SLC35F4: variants seen among roughly 807,000 people sequenced by gnomAD.
SLC35F4 encodes the protein solute carrier family 35 member F4.
A neutral mutation model predicts 44.2 loss-of-function variants in SLC35F4; 24 were observed. The observed-to-expected ratio is 0.54, with a 90% CI of 0.39 to 0.76. SLC35F4 has a LOEUF of 0.76. SLC35F4 is among the 30% of genes least tolerant of loss of function. The pLI, the probability that SLC35F4 is intolerant of heterozygous loss-of-function variation, is 0.00. For missense variants in SLC35F4, 562 were observed against 586.1 expected (o/e 0.96, Z 0.42); for synonymous variants, 238 against 223.6 (o/e 1.06, Z -0.57).
intron 1 of SLC35F4, among the ~76,000 whole-genome samples, chr14:57,942,673 G>C (rs1193872848): frequency 6.6e-6 from 1 of 152,124 alleles, no homozygotes; most frequent in East Asian, 1.9e-4. Flanking sequence ...GTTTTAACAG[G>C]AAATATACTT....
At chr14:57,946,270 A>G (rs549577331) in intron 1 of SLC35F4, among the ~76,000 whole-genome samples, 2 of 152,186 alleles carry the variant, frequency 1.3e-5, no homozygotes, top group Admixed American at 6.5e-5. Context: ...TCTTAGATGT[A>G]TGCCTTTGAT....
intron 1 of SLC35F4, among the ~76,000 whole-genome samples, chr14:57,622,617 A>C (rs2072246059): frequency 1.1e-5 from 1 of 89,190 alleles, no homozygotes; most frequent in Non-Finnish European, 3.3e-5. Flanking sequence ...GGAATTGAAC[A>C]ATGAGAACAC....
At chr14:57,865,356 G>A (rs1023737903) in intron 1 of SLC35F4, among the ~76,000 whole-genome samples, 1 of 151,846 alleles carries the variant, frequency 6.6e-6, no homozygotes, top group African/African-American at 2.4e-5. Flanking sequence ...GTATCCCCTA[G>A]GGCTGACTTT....
chr14:57,910,368 A>G (rs966695931), intron 1 of SLC35F4, among the ~76,000 whole-genome samples: 1 of 152,088 alleles, frequency 6.6e-6, no homozygotes, highest in African/African-American at 2.4e-5. Context: ...CTAAAATATT[A>G]TCATCATACC....
chr14:57,943,006 A>G (rs1337848865), intron 1 of SLC35F4, among the ~76,000 whole-genome samples: 3 of 152,214 alleles, frequency 2.0e-5, no homozygotes, highest in Admixed American at 6.5e-5. Context: ...TTTAAAAGCC[A>G]GAACTCCAGC....
At chr14:57,679,005 T>TCTGGATATC (rs1231111290) in intron 1 of SLC35F4, among the ~76,000 whole-genome samples, 1 of 152,132 alleles carries the variant, frequency 6.6e-6, no homozygotes, top group African/African-American at 2.4e-5. Flanking sequence ...GGACTTGAAC[T>TCTGGATATC]CAGCTCTGAA....
At chr14:57,861,304 C>T (rs1452283321) in intron 1 of SLC35F4, among the ~76,000 whole-genome samples, 2 of 152,136 alleles carry the variant, frequency 1.3e-5, no homozygotes, top group African/African-American at 4.8e-5. Context: ...CCCAAACGGG[C>T]CCCACACACC....
At chr14:57,919,655 G>C (rs867630356) in intron 1 of SLC35F4, among the ~76,000 whole-genome samples, 2 of 152,118 alleles carry the variant, frequency 1.3e-5, no homozygotes, top group Non-Finnish European at 2.9e-5. Context: ...ATCTGGGGGT[G>C]GGGGAGCGTG....
chr14:57,763,805 T>C (rs1275533146), intron 1 of SLC35F4, among the ~76,000 whole-genome samples: 4 of 152,158 alleles, frequency 2.6e-5, no homozygotes, highest in African/African-American at 7.2e-5. Flanking sequence ...CTCATCGCAT[T>C]TACTGCTTTA....
At chr14:57,848,990 T>C (rs1341776636) in intron 1 of SLC35F4, among the ~76,000 whole-genome samples, 1 of 152,170 alleles carries the variant, frequency 6.6e-6, no homozygotes, top group Non-Finnish European at 1.5e-5. Context: ...AAGAGTCTCA[T>C]GTCTTTTGCC....
rs142894599 is a variant in SLC35F4 at position 57,679,886 on chromosome 14, C to A, written c.104-85762G>T. On this transcript the variant is annotated intron_variant, in intron 1 of 7. Transcript: ENST00000556826. ...CTGAAATTGAGGCAGAAATTAATAGCCTACCAACCAAAAAAAGCCCAGGAC... is the reference window on the plus strand; with the variant it reads ...CTGAAATTGAGGCAGAAATTAATAGACTACCAACCAAAAAAAGCCCAGGAC... Among the ~76,000 whole-genome samples the A allele has an allele frequency of 7.1e-3, 1,073 of 152,094 alleles. 21 individuals carry two copies. Among genetic ancestry groups the A allele is most frequent in the African/African-American group, 0.024 (1,012 of 41,426 alleles).
At chr14:57,697,997 A>T (rs1400081055) in intron 1 of SLC35F4, among the ~76,000 whole-genome samples, 1 of 152,220 alleles carries the variant, frequency 6.6e-6, no homozygotes, top group Non-Finnish European at 1.5e-5. Context: ...TTTACCGGCT[A>T]CATGATTTGG....
At chr14:57,695,498 A>C (rs1055396853) in intron 1 of SLC35F4, among the ~76,000 whole-genome samples, 1 of 151,302 alleles carries the variant, frequency 6.6e-6, no homozygotes. Flanking sequence ...TTAGAATGGC[A>C]ATCATTAAAA....
At chr14:57,741,889 A>C (rs979649129) in intron 1 of SLC35F4, among the ~76,000 whole-genome samples, 4 of 152,240 alleles carry the variant, frequency 2.6e-5, no homozygotes, top group African/African-American at 9.6e-5. Context: ...TACAAACTCT[A>C]CAAGCCAGAA....
intron 1 of SLC35F4, among the ~76,000 whole-genome samples, chr14:57,768,399 T>A (rs1350366519): frequency 6.6e-6 from 1 of 152,218 alleles, no homozygotes; most frequent in Non-Finnish European, 1.5e-5. Flanking sequence ...AAGAGATGTC[T>A]TTCCAAAATG....
intron 1 of SLC35F4, among the ~76,000 whole-genome samples, chr14:57,772,791 A>G (rs894251500): frequency 6.6e-6 from 1 of 152,124 alleles, no homozygotes; most frequent in African/African-American, 2.4e-5. Context: ...TGACTTTCAT[A>G]TTGTGAATAG....
At chr14:57,824,367 T>C (rs1566883717) in intron 1 of SLC35F4, among the ~76,000 whole-genome samples, 1 of 152,136 alleles carries the variant, frequency 6.6e-6, no homozygotes, top group Non-Finnish European at 1.5e-5. Context: ...TTGGTCTAGT[T>C]GGAGGACAAG....
At chr14:57,712,702 T>C (rs1269401223) in intron 1 of SLC35F4, among the ~76,000 whole-genome samples, 3 of 152,206 alleles carry the variant, frequency 2.0e-5, no homozygotes, top group Non-Finnish European at 4.4e-5. Flanking sequence ...AGAAAAGGAG[T>C]ATTTTTGAAT....
intron 1 of SLC35F4, among the ~76,000 whole-genome samples, chr14:57,831,888 G>A (rs1884408704): frequency 6.6e-6 from 1 of 152,160 alleles, no homozygotes; most frequent in Admixed American, 6.5e-5. Context: ...AAATAGTCAT[G>A]AATGTTTTAC....
Sources: gnomAD v4.1 joint callset for allele counts (sites outside exome capture counted in the v4.1 genomes callset) on GRCh38, gnomAD v4.1.1 for gene constraint, MANE v1.5 for transcripts, NCBI Gene and HGNC (gene_info 2026-07-23, HGNC 2026-07-21) for gene names.